The following ZFAT variants were observed in gnomAD, a reference collection of about 807,000 sequenced individuals.
ZFAT encodes zinc finger and AT-hook domain containing.
ZFAT carries 64 observed loss-of-function variants against 117.7 expected under a neutral mutation model. That is an observed-to-expected ratio of 0.54 (90% CI 0.44 to 0.67). ZFAT has a LOEUF of 0.67. Ranked by LOEUF, ZFAT falls within the 30% of genes least tolerant of loss-of-function variation. The probability of loss-of-function intolerance (pLI) is 0.00; values close to 1 mark genes in which losing one functional copy is unlikely to be tolerated. For missense variants in ZFAT, 1,433 were observed against 1,584.5 expected (o/e 0.90, Z 1.62); for synonymous variants, 679 against 615.0 (o/e 1.10, Z -1.54).
At chr8:134,689,292 C>T (rs1383910899) in intron 1 of ZFAT, among the ~76,000 whole-genome samples, 4 of 152,180 alleles carry the variant, frequency 2.6e-5, no homozygotes, top group Non-Finnish European at 4.4e-5. Flanking sequence ...TAAATTTGGC[C>T]GCAAAGCACT....
rs554534951 is a variant in ZFAT, at chr8:134,545,356, T to A, written c.2977-12384A>T. On this transcript the variant is annotated intron_variant, in intron 11 of 15. Transcript: ENST00000377838. The stretch of plus-strand genomic sequence containing the variant: ...CTGAGACTCTGTCTCTACCAAAAAA[T>A]TTTTTTTAATTAGCTAGATGTGATG... Among the ~76,000 whole-genome samples the A allele has an allele frequency of 1.1e-3, 160 of 151,936 alleles. 1 individual carries two copies. Among genetic ancestry groups the A allele is most frequent in the Admixed American group, 6.0e-3 (92 of 15,246 alleles).
the ZFAT span, among the ~76,000 whole-genome samples, chr8:134,720,110 T>C: frequency 1.3e-5 from 2 of 152,206 alleles, no homozygotes; most frequent in Non-Finnish European, 2.9e-5. Context: ...TACCAGATGA[T>C]GAGAGGACAT....
At chr8:134,726,491 C>T in the ZFAT span, among the ~76,000 whole-genome samples, 28 of 152,354 alleles carry the variant, frequency 1.8e-4, no homozygotes, top group Admixed American at 1.3e-3. Context: ...ACCAGTTGAA[C>T]GCCACCAATT....
chr8:134,500,533 T>A (rs1055907801), intron 15 of ZFAT, among the ~76,000 whole-genome samples: 1 of 152,234 alleles, frequency 6.6e-6, no homozygotes, highest in Non-Finnish European at 1.5e-5. Flanking sequence ...ATTTTTACTT[T>A]AAAAATTTCA....
At chr8:134,740,480 T>C in the ZFAT span, among the ~76,000 whole-genome samples, 68 of 152,202 alleles carry the variant, frequency 4.5e-4, no homozygotes, top group Non-Finnish European at 7.6e-4. Flanking sequence ...GATTAGAAAT[T>C]AAACAAAACA....
At chr8:134,680,191 G>A (rs1201481100) in intron 1 of ZFAT, among the ~76,000 whole-genome samples, 1 of 151,160 alleles carries the variant, frequency 6.6e-6, no homozygotes, top group African/African-American at 2.4e-5. Flanking sequence ...GAACCCTGGA[G>A]GCAGAGATTG....
At chr8:134,510,339 C>T (rs1819729174) in intron 14 of ZFAT, among the ~76,000 whole-genome samples, 1 of 152,198 alleles carries the variant, frequency 6.6e-6, no homozygotes, top group Non-Finnish European at 1.5e-5. Flanking sequence ...CCACCATCTG[C>T]CAGGCCATCT....
In ZFAT at chr8:134,549,854, C is replaced by T. The variant is rs116228309; in HGVS notation, c.2976+15479G>A. On this transcript the variant is annotated intron_variant, in intron 11 of 15. Transcript: ENST00000377838. Reference sequence around the variant, plus strand: ...CAGACCCCCGTGACCCACTGACAGTCACAGGAGACAAACAAGGGGAAAGAA... The same window carrying T: ...CAGACCCCCGTGACCCACTGACAGTTACAGGAGACAAACAAGGGGAAAGAA... Among the ~76,000 whole-genome samples the T allele has an allele frequency of 2.8e-3, 423 of 152,176 alleles. 2 individuals carry two copies. Among genetic ancestry groups the T allele is most frequent in the African/African-American group, 9.7e-3 (401 of 41,512 alleles).
intron 11 of ZFAT, among the ~76,000 whole-genome samples, chr8:134,555,054 T>C (rs936314746): frequency 6.6e-6 from 1 of 152,152 alleles, no homozygotes; most frequent in East Asian, 1.9e-4. Context: ...ATGGCTACAA[T>C]TTATTATAGT....
chr8:134,695,226 C>A (rs1436660527), intron 1 of ZFAT, among the ~76,000 whole-genome samples: 2 of 152,042 alleles, frequency 1.3e-5, no homozygotes, highest in Non-Finnish European at 2.9e-5. Flanking sequence ...CCAGGAAGGC[C>A]CTCGCAGACG....
chr8:134,795,346 C>G, the ZFAT span: 1 of 152,094 alleles, frequency 6.6e-6, no homozygotes, highest in Non-Finnish European at 1.5e-5. Context: ...TCACCGGCGA[C>G]CAATGATGTA....
At chr8:134,566,599 A>T (rs910972332) in intron 10 of ZFAT, among the ~76,000 whole-genome samples, 8 of 152,204 alleles carry the variant, frequency 5.3e-5, no homozygotes, top group Non-Finnish European at 1.2e-4. Flanking sequence ...TTCAACAAGT[A>T]GCTTCTAATG....
At chr8:134,711,766 G>A (rs1211284862) in intron 1 of ZFAT, among the ~76,000 whole-genome samples, 2 of 152,196 alleles carry the variant, frequency 1.3e-5, no homozygotes, top group African/African-American at 4.8e-5. Flanking sequence ...GCAGGACTAC[G>A]ACTGGGACTG....
intron 2 of ZFAT, among the ~76,000 whole-genome samples, chr8:134,641,926 A>T (rs1474948190): frequency 6.6e-6 from 1 of 152,266 alleles, no homozygotes; most frequent in Non-Finnish European, 1.5e-5. Context: ...GATTACTTCT[A>T]ACTCAATCAA....
At chr8:134,647,725 A>C (rs1310126475) in intron 2 of ZFAT, among the ~76,000 whole-genome samples, 1 of 152,208 alleles carries the variant, frequency 6.6e-6, no homozygotes, top group Admixed American at 6.5e-5. Context: ...TTTCTACACA[A>C]AAACAACTGA....
intron 15 of ZFAT, among the ~76,000 whole-genome samples, chr8:134,488,937 A>G (rs1159504396): frequency 6.8e-6 from 1 of 147,146 alleles, no homozygotes; most frequent in East Asian, 2.1e-4. Context: ...GAGATTCAGT[A>G]TATCCAGAGC....
intron 3 of ZFAT, among the ~76,000 whole-genome samples, chr8:134,614,968 AAAG>A (rs1469726506): frequency 2.6e-5 from 4 of 152,348 alleles, no homozygotes; most frequent in African/African-American, 7.2e-5. Flanking sequence ...TGCAGGGAGA[AAAG>A]AAGGAGAAAG....
chr8:134,597,231 T>C (rs1172069278), intron 7 of ZFAT, among the ~76,000 whole-genome samples: 1 of 152,144 alleles, frequency 6.6e-6, no homozygotes, highest in African/African-American at 2.4e-5. Flanking sequence ...TTGGTACCCT[T>C]GGCTTCATTA....
At position 134,554,754 on chromosome 8, in the gene ZFAT, A is replaced by T. The variant is rs149122332; in HGVS notation, c.2976+10579T>A. On this transcript the variant is annotated intron_variant, in intron 11 of 15. Coordinates refer to ENST00000377838, the MANE Select transcript of ZFAT (RefSeq NM_020863.4). ...GGCAGCTGACCTGCAAAGCTGGTAG[A>T]GCGCCTGTATGATTGAGAAGGCCAG... Among the ~76,000 whole-genome samples the T allele has an allele frequency of 8.7e-4, 133 of 152,344 alleles. 3 individuals are homozygous for T. In the East Asian group the frequency reaches 0.021, roughly 23 times the overall value.
Sources: gnomAD v4.1 joint callset for allele counts (sites outside exome capture counted in the v4.1 genomes callset) on GRCh38, gnomAD v4.1.1 for gene constraint, MANE v1.5 for transcripts, NCBI Gene and HGNC (gene_info 2026-07-23, HGNC 2026-07-21) for gene names.